The following XKR4 variants were observed in gnomAD, a reference collection of about 807,000 sequenced individuals.
XKR4 encodes the protein XK related 4, also known as XK-related protein 4.
A neutral mutation model predicts 53.9 loss-of-function variants in XKR4; 12 were observed. The ratio of observed to expected loss-of-function variants is 0.22; its 90% CI spans 0.14 to 0.36. The LOEUF (loss-of-function observed/expected upper bound fraction) is 0.36, where lower values mean the gene tolerates loss of function less well. Among genes scored for constraint, XKR4 ranks in the 10% least tolerant of loss-of-function variants. The pLI is 1.00. For missense variants in XKR4, 799 were observed against 859.5 expected (o/e 0.93, Z 0.88); for synonymous variants, 354 against 362.4 (o/e 0.98, Z 0.26).
chr8:55,105,371 G>A (rs1439886821), intron 1 of XKR4, among the ~76,000 whole-genome samples: 7 of 152,060 alleles, frequency 4.6e-5, no homozygotes, highest in Admixed American at 2.0e-4. Flanking sequence ...GGCGGGGAGA[G>A]AAGGGATGGA....
chr8:55,232,199 C>A (rs891609092), intron 1 of XKR4, among the ~76,000 whole-genome samples: 4 of 152,216 alleles, frequency 2.6e-5, no homozygotes, highest in Non-Finnish European at 4.4e-5. Flanking sequence ...GGATAGCTCT[C>A]TTCAAATAGG....
At chr8:55,203,280 C>A (rs944110101) in intron 1 of XKR4, among the ~76,000 whole-genome samples, 3 of 152,234 alleles carry the variant, frequency 2.0e-5, no homozygotes, top group African/African-American at 7.2e-5. Context: ...CCAACCCAGT[C>A]CCCAACTGCA....
intron 2 of XKR4, among the ~76,000 whole-genome samples, chr8:55,493,503 T>A (rs2129402477): frequency 6.6e-6 from 1 of 152,322 alleles, no homozygotes; most frequent in Non-Finnish European, 1.5e-5. Flanking sequence ...GAATCCCAAC[T>A]GAGCACAAAA....
At chr8:55,160,011 T>A (rs185049360) in intron 1 of XKR4, among the ~76,000 whole-genome samples, 1 of 152,052 alleles carries the variant, frequency 6.6e-6, no homozygotes, top group African/African-American at 2.4e-5. Flanking sequence ...AAGAAAAGAA[T>A]GTAGAAAAGA....
intron 2 of XKR4, among the ~76,000 whole-genome samples, chr8:55,431,945 C>T (rs185882720): frequency 1.2e-3 from 186 of 152,070 alleles, no homozygotes; most frequent in African/African-American, 4.3e-3. Context: ...CATAATATTA[C>T]GGGTTATAGC....
chr8:55,500,965 G>T (rs532966727), intron 2 of XKR4, among the ~76,000 whole-genome samples: 21 of 152,274 alleles, frequency 1.4e-4, no homozygotes, highest in African/African-American at 5.1e-4. Flanking sequence ...CTGGCAAGCT[G>T]ATAGATAGAA....
chr8:55,397,815 T>C (rs548072114), intron 2 of XKR4, among the ~76,000 whole-genome samples: 12 of 152,302 alleles, frequency 7.9e-5, no homozygotes, highest in African/African-American at 2.6e-4. Flanking sequence ...CAGTTTCAGA[T>C]GCTGATTCAG....
chr8:55,207,629 T>TGC (rs374120842), intron 1 of XKR4, among the ~76,000 whole-genome samples: 1 of 151,580 alleles, frequency 6.6e-6, no homozygotes, highest in Non-Finnish European at 1.5e-5. Flanking sequence ...CACACACACA[T>TGC]GCGCGCGCAC....
chr8:55,495,786 C>G (rs1213568650), intron 2 of XKR4, among the ~76,000 whole-genome samples: 1 of 152,234 alleles, frequency 6.6e-6, no homozygotes, highest in Non-Finnish European at 1.5e-5. Context: ...GGAGACCCAC[C>G]ACTGCCACTA....
chr8:55,121,884 C>T (rs1327845209), intron 1 of XKR4, among the ~76,000 whole-genome samples: 1 of 151,858 alleles, frequency 6.6e-6, no homozygotes, highest in African/African-American at 2.4e-5. Flanking sequence ...TACTTTGGAG[C>T]TCTGCCTGAG....
chr8:55,347,291 A>C (rs1032114656), intron 1 of XKR4, among the ~76,000 whole-genome samples: 3 of 152,192 alleles, frequency 2.0e-5, no homozygotes, highest in Non-Finnish European at 4.4e-5. Flanking sequence ...AGGAGCTGAG[A>C]ATTTAAATGC....
At chr8:55,451,386 G>T (rs1038152284) in intron 2 of XKR4, 10 of 788,158 alleles carry the variant, frequency 1.3e-5, no homozygotes, top group Admixed American at 6.8e-5. Context: ...AGGAGAAGCC[G>T]CTAAGTGTGT....
At chr8:55,120,689 A>G (rs1010322047) in intron 1 of XKR4, among the ~76,000 whole-genome samples, 2 of 152,014 alleles carry the variant, frequency 1.3e-5, no homozygotes, top group South Asian at 2.1e-4. Flanking sequence ...TTGCATTAGT[A>G]TGGTACGTTT....
chr8:55,495,371 C>A (rs1419209811), intron 2 of XKR4, among the ~76,000 whole-genome samples: 1 of 152,170 alleles, frequency 6.6e-6, no homozygotes, highest in Non-Finnish European at 1.5e-5. Context: ...GCTCCCGCCC[C>A]ACCCACTCAG....
At chr8:55,213,430 T>A (rs1403064988) in intron 1 of XKR4, among the ~76,000 whole-genome samples, 1 of 152,106 alleles carries the variant, frequency 6.6e-6, no homozygotes, top group African/African-American at 2.4e-5. Context: ...GAGTGCAGGG[T>A]CTGAAAAGTA....
rs77724945 is a variant in XKR4, at chr8:55,399,641, G to A, written c.1006+41764G>A. Reference sequence around the variant, plus strand: ...CAAGTCTGTAATCCCACTTGGCCTCGACAAGGAAACTGTTCACAGCTCTGA... The same window carrying A: ...CAAGTCTGTAATCCCACTTGGCCTCAACAAGGAAACTGTTCACAGCTCTGA... On this transcript the variant is annotated intron_variant, in intron 2 of 2. Transcript: ENST00000327381. 4.6e-3 allele frequency among the ~76,000 whole-genome samples: 700 copies of A among 152,294 alleles called. 1 individual carries two copies. The highest frequency in any genetic ancestry group is 0.016 in the African/African-American group (662 of 41,560).
chr8:55,321,739 C>T (rs1283948201), intron 1 of XKR4, among the ~76,000 whole-genome samples: 1 of 152,124 alleles, frequency 6.6e-6, no homozygotes, highest in African/African-American at 2.4e-5. Context: ...GCCTGTAATC[C>T]CAGCACTTCG....
intron 1 of XKR4, among the ~76,000 whole-genome samples, chr8:55,278,894 A>G (rs1364535954): frequency 1.3e-5 from 2 of 152,180 alleles, no homozygotes; most frequent in Non-Finnish European, 2.9e-5. Context: ...TTGAGATACT[A>G]TGCTAACTCA....
At chr8:55,294,202 A>T (rs566991680) in intron 1 of XKR4, among the ~76,000 whole-genome samples, 1 of 152,322 alleles carries the variant, frequency 6.6e-6, no homozygotes, top group South Asian at 2.1e-4. Flanking sequence ...TCTCATTCTT[A>T]GAATTCCCTC....
Sources: gnomAD v4.1 joint callset for allele counts (sites outside exome capture counted in the v4.1 genomes callset) on GRCh38, gnomAD v4.1.1 for gene constraint, MANE v1.5 for transcripts, NCBI Gene and HGNC (gene_info 2026-07-23, HGNC 2026-07-21) for gene names.